The following SEC14L2 variants were observed in gnomAD, a reference collection of about 807,000 sequenced individuals.
SEC14L2 encodes SEC14 like lipid binding 2, also known as SEC14-like protein 2.
SEC14L2 carries 50 observed loss-of-function variants against 56.9 expected under a neutral mutation model. That is an observed-to-expected ratio of 0.88 (90% CI 0.70 to 1.11). SEC14L2 has a LOEUF of 1.11. Ranked by LOEUF, SEC14L2 falls within the 50% of genes most tolerant of loss-of-function variation. The pLI, the probability that SEC14L2 is intolerant of heterozygous loss-of-function variation, is 0.00. For synonymous variants in SEC14L2, 179 were observed against 188.5 expected (o/e 0.95, Z 0.41); for missense variants, 414 against 500.7 (o/e 0.83, Z 1.65).
chr22:30,409,574 C>A, intron 7 of SEC14L2, 88 bp downstream of exon 7: 1 of 1,227,588 alleles, frequency 8.1e-7, no homozygotes, highest in Non-Finnish European at 1.2e-6. Flanking sequence ...AACAGTGAGC[C>A]AAAAGAGGGG....
rs554846517 is a variant in SEC14L2, at chr22:30,410,173, G to A, written c.581-423G>A. ...AGAGCTCACTGAGGCTGAGGCAAGAGCACTGCTTGAGCCCAGGAGTAAAAG... is the reference window on the plus strand; with the variant it reads ...AGAGCTCACTGAGGCTGAGGCAAGAACACTGCTTGAGCCCAGGAGTAAAAG... On this transcript the variant is annotated intron_variant, in intron 7 of 11. Coordinates refer to ENST00000615189, the MANE Select transcript of SEC14L2 (RefSeq NM_012429.5). Among the ~76,000 whole-genome samples the A allele has an allele frequency of 2.6e-5, 4 of 151,832 alleles. No homozygotes were observed. The South Asian group carries it at 8.3e-4, about 32-fold the overall frequency.
At chr22:30,403,108 A>G (rs1406062520) in intron 2 of SEC14L2, among the ~76,000 whole-genome samples, 1 of 152,144 alleles carries the variant, frequency 6.6e-6, no homozygotes, top group Non-Finnish European at 1.5e-5. Context: ...AACAAACAAA[A>G]AAACAGCCTT....
intron 11 of SEC14L2, among the ~76,000 whole-genome samples, chr22:30,419,377 C>A (rs931387473): frequency 1.3e-5 from 2 of 152,202 alleles, no homozygotes; most frequent in Non-Finnish European, 2.9e-5. Context: ...CATGGCAAAA[C>A]CCCGTCTCTA....
chr22:30,411,828 T>G (rs1032250380), intron 8 of SEC14L2, among the ~76,000 whole-genome samples: 1 of 149,220 alleles, frequency 6.7e-6, no homozygotes, highest in Non-Finnish European at 1.5e-5. Context: ...CAGTATGCTG[T>G]GGTAAATGTA....
In SEC14L2 at chr22:30,423,197, G is replaced by C. The variant is rs1489314649; in HGVS notation, c.*790G>C. The C allele has an allele frequency of 6.5e-6, 1 of 152,850 alleles. No individual in the cohort carries two copies. The highest frequency in any genetic ancestry group is 1.5e-5 in the Non-Finnish European group (1 of 68,128). The allele number at this position is 152,850 out of a possible 1,614,324, so 9.5% of individuals were successfully genotyped here. A position where few individuals can be genotyped will look rare whatever the true frequency, so the allele number is the denominator to read the frequency against. On this transcript the variant is annotated 3_prime_UTR_variant, in exon 12 of 12. Coordinates refer to ENST00000615189, the MANE Select transcript of SEC14L2 (RefSeq NM_012429.5). Reference sequence around the variant, plus strand: ...GGGGTGGGAGTGAATGCTAAAAGCAGATCGTCCAGTGCCCTTTTCAGTGCT... The same window carrying C: ...GGGGTGGGAGTGAATGCTAAAAGCACATCGTCCAGTGCCCTTTTCAGTGCT...
At chr22:30,421,036 G>C (rs776436173) in intron 11 of SEC14L2, 9 of 152,124 alleles carry the variant, frequency 5.9e-5, no homozygotes, top group Non-Finnish European at 1.3e-4. Context: ...ATAATAAACA[G>C]GGCATACAGT....
At chr22:30,415,684 T>C in intron 8 of SEC14L2, 75 bp from the exon 9 acceptor site, 2 of 1,322,686 alleles carry the variant, frequency 1.5e-6, no homozygotes, top group Admixed American at 3.8e-5. Flanking sequence ...CTCTTTAGTG[T>C]AGACCACTAG....
chr22:30,399,497 G>C lies in SEC14L2; in HGVS notation c.55-146G>C, dbSNP rs560977931. 4.0e-5 allele frequency: 17 copies of C among 426,916 alleles called. 1 individual carries two copies. In the South Asian group the frequency reaches 5.7e-4, roughly 14 times the overall value. 26.4% of individuals were successfully genotyped at this position (426,916 alleles called of 1,614,324 possible). On this transcript the variant is annotated intron_variant, in intron 1 of 11. Transcript: ENST00000615189. Reference sequence around the variant, plus strand: ...CCACCGCACTCCAGCCTGGGCGAGAGTGCGAGACTCTATCTCAAAAAAAAA... The same window carrying C: ...CCACCGCACTCCAGCCTGGGCGAGACTGCGAGACTCTATCTCAAAAAAAAA...
intron 8 of SEC14L2, among the ~76,000 whole-genome samples, chr22:30,414,793 G>T (rs1393409940): frequency 6.6e-6 from 1 of 151,980 alleles, no homozygotes; most frequent in Non-Finnish European, 1.5e-5. Flanking sequence ...CCAAATTACT[G>T]GTGGCTCAAC....
rs1934598003 is a variant in SEC14L2, at chr22:30,423,961, T to C, written c.*1554T>C. The C allele has an allele frequency of 6.6e-6, 1 of 152,272 alleles. No homozygotes were observed. The highest frequency in any genetic ancestry group is 1.5e-5 in the Non-Finnish European group (1 of 68,060). The allele number at this position is 152,272 out of a possible 1,614,324, so 9.4% of individuals were successfully genotyped here. A position where few individuals can be genotyped will look rare whatever the true frequency, so the allele number is the denominator to read the frequency against. ...GTTTCACGCCAATAGATAGGGCGCA[T>C]GCGCAGAAATCCTCCTCGGCTCTCT... On this transcript the variant is annotated 3_prime_UTR_variant, in exon 12 of 12. Transcript: ENST00000615189.
intron 6 of SEC14L2, 27 bp downstream of exon 6, chr22:30,409,309 G>A (rs747515627): frequency 2.5e-6 from 4 of 1,609,096 alleles, no homozygotes; most frequent in South Asian, 1.1e-5. Flanking sequence ...GGGAGGAAGG[G>A]GACAGAGGGA....
Position 30,423,250 on chromosome 22 carries a change from T to C in SEC14L2, c.*843T>C, listed in dbSNP as rs1374056480. 1.3e-5 allele frequency: 2 copies of C among 152,694 alleles called. No individual in the cohort carries two copies. The highest frequency in any genetic ancestry group is 2.9e-5 in the Non-Finnish European group (2 of 68,082). The allele number at this position is 152,694 out of a possible 1,614,324, so 9.5% of individuals were successfully genotyped here. On this transcript the variant is annotated 3_prime_UTR_variant, in exon 12 of 12. Transcript: ENST00000615189. Reference sequence around the variant, plus strand: ...CGGCCTCTCACCAAGCAGTCCTCCATGTGAGCAACCCCGAGACAAAAATGC... The same window carrying C: ...CGGCCTCTCACCAAGCAGTCCTCCACGTGAGCAACCCCGAGACAAAAATGC...
rs553882012 is a variant in SEC14L2, at chr22:30,423,666, G to T, written c.*1259G>T. On this transcript the variant is annotated 3_prime_UTR_variant, in exon 12 of 12. Transcript: ENST00000615189. Reference sequence around the variant, plus strand: ...TCCCTCAGAGCCAGGCCCCGGCCCCGTCTGGGAAGCTCATCTTGCGAAGCT... The same window carrying T: ...TCCCTCAGAGCCAGGCCCCGGCCCCTTCTGGGAAGCTCATCTTGCGAAGCT... 33 of 152,554 alleles carry T rather than the reference G, an allele frequency of 2.2e-4. No homozygotes were observed. The highest frequency in any genetic ancestry group is 7.0e-4 in the African/African-American group (29 of 41,612). The allele number at this position is 152,554 out of a possible 1,614,324, so 9.5% of individuals were successfully genotyped here.
rs370799623 is a variant in SEC14L2 at position 30,407,613 on chromosome 22, C to A, written c.423+10C>A. 6.2e-6 allele frequency: 10 copies of A among 1,610,032 alleles called. No individual in the cohort carries two copies. Among genetic ancestry groups the A allele is most frequent in the Non-Finnish European group, 8.5e-6 (10 of 1,177,126 alleles). ...CCACCAGACCACAAAGGTGAGTGGACCACCATGGCTAGAAATGAGTTGACC... is the reference window on the plus strand; with the variant it reads ...CCACCAGACCACAAAGGTGAGTGGAACACCATGGCTAGAAATGAGTTGACC... On this transcript the variant is annotated intron_variant, in intron 5 of 11. Coordinates refer to ENST00000615189, the MANE Select transcript of SEC14L2 (RefSeq NM_012429.5).
chr22:30,400,931 A>C (rs779131541), intron 2 of SEC14L2, among the ~76,000 whole-genome samples: 5 of 128,040 alleles, frequency 3.9e-5, no homozygotes, highest in South Asian at 2.5e-4. Context: ...AAAGAAGGTT[A>C]CCTTTTTTTT....
At chr22:30,402,121 C>G (rs1933955316) in intron 2 of SEC14L2, among the ~76,000 whole-genome samples, 1 of 152,144 alleles carries the variant, frequency 6.6e-6, no homozygotes, top group Admixed American at 6.6e-5. Flanking sequence ...CCCAGTCCAC[C>G]GCCCAGAGAT....
In SEC14L2 at chr22:30,422,161, A is replaced by G. The variant is rs1041906014; in HGVS notation, c.1082-116A>G. 3 of 1,303,994 alleles carry G rather than the reference A, an allele frequency of 2.3e-6. No homozygotes were observed. In the African/African-American group the frequency reaches 4.4e-5, roughly 19 times the overall value. 80.8% of individuals were successfully genotyped at this position (1,303,994 alleles called of 1,614,324 possible). ...AAGGATCATTACCTAGGCTACCTTCATCCCCATGACCTGCCACACTGCCTT... is the reference window on the plus strand; with the variant it reads ...AAGGATCATTACCTAGGCTACCTTCGTCCCCATGACCTGCCACACTGCCTT... On this transcript the variant is annotated intron_variant, in intron 11 of 11. Transcript: ENST00000615189.
At chr22:30,416,451 T>C (rs1208476500) in intron 11 of SEC14L2, 48 bp downstream of exon 11, 8 of 1,614,136 alleles carry the variant, frequency 5.0e-6, no homozygotes, top group Non-Finnish European at 6.8e-6. Flanking sequence ...TGTCCAGCTT[T>C]CTGCCTGTGA....
At chr22:30,417,715 CA>C (rs1156439490) in intron 11 of SEC14L2, among the ~76,000 whole-genome samples, 1 of 152,200 alleles carries the variant, frequency 6.6e-6, no homozygotes, top group East Asian at 1.9e-4. Flanking sequence ...ATCCTGCAGA[CA>C]ATGCCGGGAG....
Sources: gnomAD v4.1 joint callset for allele counts (sites outside exome capture counted in the v4.1 genomes callset) on GRCh38, gnomAD v4.1.1 for gene constraint, MANE v1.5 for transcripts, NCBI Gene and HGNC (gene_info 2026-07-23, HGNC 2026-07-21) for gene names.